The following TASOR2 variants were observed in gnomAD, a reference collection of about 807,000 sequenced individuals.
TASOR2 encodes transcription activation suppressor family member 2, also known as protein TASOR 2.
In TASOR2, 84 loss-of-function variants were observed where a neutral mutation model predicts 199.5. The ratio of observed to expected loss-of-function variants is 0.42; its 90% CI spans 0.35 to 0.50. The LOEUF (loss-of-function observed/expected upper bound fraction) is 0.50, where lower values mean the gene tolerates loss of function less well. Ranked by LOEUF, TASOR2 falls within the 20% of genes least tolerant of loss-of-function variation. The pLI is 0.02. For missense variants in TASOR2, 2,796 were observed against 2,835.9 expected (o/e 0.99, Z 0.32); for synonymous variants, 1,103 against 1,046.6 (o/e 1.05, Z -1.04).
rs1473603425 is a variant in TASOR2, at chr10:5,750,395, G to C, written c.6606+368G>C. 2.0e-5 allele frequency among the ~76,000 whole-genome samples: 3 copies of C among 152,146 alleles called. No homozygotes were observed. The highest frequency in any genetic ancestry group is 7.2e-5 in the African/African-American group (3 of 41,444). Reference sequence around the variant, plus strand: ...GGGTGGTCAAGTAGGACCTCTTTTGGTTTTGGATATATTTTTAATTTGAAT... The same window carrying C: ...GGGTGGTCAAGTAGGACCTCTTTTGCTTTTGGATATATTTTTAATTTGAAT... On this transcript the variant is annotated intron_variant, in intron 15 of 20. Transcript: ENST00000328090. This position sits in a 1 kb window ranked among gnomAD's most constrained non-coding sequence, Gnocchi z 5.4.
At chr10:5,732,253 G>C (rs533745072) in intron 11 of TASOR2, among the ~76,000 whole-genome samples, 1 of 152,362 alleles carries the variant, frequency 6.6e-6, no homozygotes, top group South Asian at 2.1e-4. Context: ...GAGTAGGGAA[G>C]TATATGGGTG....
chr10:5,747,611 A>G (rs1837399302), exon 15 of TASOR2: 1 of 1,614,070 alleles, frequency 6.2e-7, no homozygotes, highest in Non-Finnish European at 8.5e-7. Flanking sequence ...TCTGTAATTG[A>G]AGAAGTATCA....
chr10:5,762,253 TAA>T (rs33954327), intron 19 of TASOR2, among the ~76,000 whole-genome samples: 76,215 of 139,874 alleles, frequency 0.54, 20,983 homozygotes, highest in Middle Eastern at 0.66. Flanking sequence ...TATCTATCTT[TAA>T]AAAAAAAAAA....
rs929894488 is a variant in TASOR2, at chr10:5,689,749, T to A, written c.-288+4574T>A. ...TTATCTTAATGTATAAATAATTTTT[T>A]AAATTATCTACATAGTAAATATTCT... On this transcript the variant is annotated intron_variant, in intron 1 of 20. Transcript: ENST00000328090. The surrounding 1 kb of genome is among the most constrained non-coding windows in gnomAD (Gnocchi z 4.1). Among the ~76,000 whole-genome samples the A allele has an allele frequency of 3.9e-5, 6 of 152,254 alleles. No homozygotes were observed.
chr10:5,735,693 G>C (rs894038210), intron 12 of TASOR2, 147 bp downstream of exon 13: 11 of 1,018,848 alleles, frequency 1.1e-5, no homozygotes, highest in Non-Finnish European at 1.5e-5. Context: ...AAAAAACTAA[G>C]TAAACTGGTT....
chr10:5,746,751 T>G (rs763261630), exon 15 of TASOR2: 5 of 1,613,974 alleles, frequency 3.1e-6, no homozygotes, highest in Non-Finnish European at 2.5e-6. Context: ...TGAGGGACAT[T>G]CCCTCTCTAG....
rs1420832673 is a variant in TASOR2, at chr10:5,742,469, A to G, written c.2700A>G (p.Arg900=). The change falls in exon 14 of 21, where the codon AGA becomes AGG. Residue 900 remains arginine (R), a synonymous_variant. Transcript: ENST00000328090. The surrounding 1 kb of genome is among the most constrained non-coding windows in gnomAD (Gnocchi z 4.2). ...ATGAACAGAAAAAAACTTTTGCAAG[A>G]GAGTGTGATCCAGACACCCAAGAAG... is the stretch of plus-strand genomic sequence containing the variant. 1.9e-6 allele frequency: 3 copies of G among 1,614,092 alleles called. No homozygotes were observed. The highest frequency in any genetic ancestry group is 1.7e-5 in the Admixed American group (1 of 60,022).
At chr10:5,731,226 G>T in intron 11 of TASOR2, 23 bp downstream of exon 12, 2 of 1,585,628 alleles carry the variant, frequency 1.3e-6, no homozygotes, top group African/African-American at 1.3e-5. Flanking sequence ...TATTTATGTG[G>T]GTTATTATAA....
exon 13 of TASOR2, chr10:5,739,884 A>G (rs1564328970): frequency 6.2e-7 from 1 of 1,614,204 alleles, no homozygotes; most frequent in Non-Finnish European, 8.5e-7. Flanking sequence ...TTTGCTCTCT[A>G]AAGAAAATTC....
chr10:5,718,599 G>A (rs1348286482), intron 3 of TASOR2, among the ~76,000 whole-genome samples: 1 of 151,702 alleles, frequency 6.6e-6, no homozygotes, highest in Non-Finnish European at 1.5e-5. Flanking sequence ...TATACTAAAA[G>A]TATAAAAAAA....
At chr10:5,705,641 G>T (rs1268212959) in intron 1 of TASOR2, among the ~76,000 whole-genome samples, 2 of 152,052 alleles carry the variant, frequency 1.3e-5, no homozygotes, top group Non-Finnish European at 2.9e-5. Flanking sequence ...CCAACGCTTG[G>T]TATTTTCAGT....
Position 5,740,878 on chromosome 10 carries a change from T to C in TASOR2, c.2327+381T>C, listed in dbSNP as rs1325349544. On this transcript the variant is annotated intron_variant, in intron 13 of 20. Transcript: ENST00000328090. The surrounding 1 kb of genome is among the most constrained non-coding windows in gnomAD (Gnocchi z 5.3). ...CCAGAAGAAACATTTTAAAAATCAC[T>C]GTAGCTTGGTAAATTGGTCAGATTG... Among the ~76,000 whole-genome samples, 1 of 152,216 alleles carries C rather than the reference T, an allele frequency of 6.6e-6. No individual in the cohort carries two copies. The highest frequency in any genetic ancestry group is 1.5e-5 in the Non-Finnish European group (1 of 68,036).
intron 12 of TASOR2, among the ~76,000 whole-genome samples, chr10:5,736,599 G>T (rs907135265): frequency 6.6e-6 from 1 of 152,126 alleles, no homozygotes; most frequent in Non-Finnish European, 1.5e-5. Context: ...TTTAAAAGTA[G>T]TTTTACTGAT....
chr10:5,748,730 A>G lies in TASOR2; in HGVS notation c.5309A>G (p.Glu1770Gly). 1 of 1,614,214 alleles carries G rather than the reference A, an allele frequency of 6.2e-7. No individual in the cohort carries two copies. The highest frequency in any genetic ancestry group is 8.5e-7 in the Non-Finnish European group (1 of 1,180,044). The change falls in exon 15 of 21, where the codon GAG becomes GGG. Residue 1770 changes from glutamate (E) to glycine (G), a missense_variant. By Grantham distance (98) the Glu-to-Gly change is moderately conservative. Around this residue, in one of 3 missense-constraint regions of TASOR2, gnomAD observed 1,941 missense variants for 1,924.9 expected, o/e 1.01. Coordinates refer to ENST00000328090, the Ensembl canonical transcript of TASOR2. This position sits in a 1 kb window ranked among gnomAD's most constrained non-coding sequence, Gnocchi z 5.1. ...GACACCAAGGAAAACCTCAGTAAAG[A>G]GCCTTTGGCCTCCTTTGTTTCAGAA... is the stretch of plus-strand genomic sequence containing the variant.
At chr10:5,725,547 G>A (rs1476578754) in intron 8 of TASOR2, among the ~76,000 whole-genome samples, 4 of 152,038 alleles carry the variant, frequency 2.6e-5, no homozygotes, top group Non-Finnish European at 4.4e-5. Context: ...TGGGAGGATC[G>A]CTTGAGGCCA....
Position 5,748,506 on chromosome 10 carries a change from G to T in TASOR2, c.5085G>T (p.Lys1695Asn). The change falls in exon 15 of 21, where the codon AAG (lysine) becomes AAT (asparagine). Residue 1695 changes from lysine to asparagine, a missense_variant. Around this residue, in one of 3 missense-constraint regions of TASOR2, gnomAD observed 1,941 missense variants for 1,924.9 expected, o/e 1.01. Transcript: ENST00000328090. The surrounding 1 kb of genome is among the most constrained non-coding windows in gnomAD (Gnocchi z 5.1). ...CAGGCAGAATGGCCAGTTTGCTTAA[G>T]AATGGTGAGCCTGAAGCTGAGTTAC... is the stretch of plus-strand genomic sequence containing the variant. 1.9e-6 allele frequency: 3 copies of T among 1,613,884 alleles called. No individual in the cohort carries two copies. The highest frequency in any genetic ancestry group is 1.7e-5 in the Admixed American group (1 of 60,024).
intron 1 of TASOR2, chr10:5,712,605 T>C: frequency 2.5e-6 from 3 of 1,208,394 alleles, no homozygotes. Flanking sequence ...CCCATCATTT[T>C]TGGTATATAA....
chr10:5,721,115 A>G (rs1337859259), intron 6 of TASOR2, 145 bp downstream of exon 7: 17 of 610,632 alleles, frequency 2.8e-5, no homozygotes, highest in Non-Finnish European at 4.5e-5. Flanking sequence ...GGGTAAATGT[A>G]TAGCACACAG....
At chr10:5,695,116 C>T (rs1349081570) in intron 1 of TASOR2, among the ~76,000 whole-genome samples, 2 of 151,936 alleles carry the variant, frequency 1.3e-5, no homozygotes, top group Non-Finnish European at 2.9e-5. Flanking sequence ...TTCTGAGTTT[C>T]GGAACAGATT....
Sources: gnomAD v4.1 joint callset for allele counts (sites outside exome capture counted in the v4.1 genomes callset) on GRCh38, gnomAD v4.1.1 for gene constraint, gnomAD v4.1.1 regional missense constraint, Gnocchi (gnomAD v3.1) non-coding constraint, MANE v1.5 for transcripts, NCBI Gene and HGNC (gene_info 2026-07-23, HGNC 2026-07-21) for gene names.